Variants in SYCP1 observed in about 807,000 individuals in gnomAD.
SYCP1 encodes the protein synaptonemal complex protein 1, also known as cancer/testis antigen 8.
A neutral mutation model predicts 153.1 loss-of-function variants in SYCP1; 64 were observed. That is an observed-to-expected ratio of 0.42 (90% CI 0.34 to 0.51). The LOEUF is 0.51. Among genes scored for constraint, SYCP1 ranks in the 20% least tolerant of loss-of-function variants. SYCP1 has a pLI of 0.06. For synonymous variants in SYCP1, 384 were observed against 341.8 expected (o/e 1.12, Z -1.36); for missense variants, 997 against 1,049.0 (o/e 0.95, Z 0.68).
intron 2 of SYCP1, among the ~76,000 whole-genome samples, chr1:114,855,999 G>C (rs1663912466): frequency 1.3e-5 from 2 of 152,168 alleles, no homozygotes; most frequent in African/African-American, 4.8e-5. Flanking sequence ...CTTCCTAGTG[G>C]ATAGGGCAAA....
chr1:114,995,010 A>G lies in SYCP1; in HGVS notation c.2922A>G (p.Leu974=). 6.3e-7 allele frequency: 1 copy of G among 1,597,458 alleles called. No individual in the cohort carries two copies. The highest frequency in any genetic ancestry group is 8.5e-7 in the Non-Finnish European group (1 of 1,173,488). Residue 974 remains leucine, a synonymous_variant, in exon 32 of 32, where the codon TTA becomes TTG. Transcript: ENST00000369522. ...RKKKLKEAEK[L]FV ...AAAAACTAAAAGAAGCTGAAAAGTT[A>G]TTTGTTTAATTTCAGAGAATCAGTG...
chr1:114,965,118 T>G (rs1189610471), intron 27 of SYCP1, among the ~76,000 whole-genome samples: 4 of 152,208 alleles, frequency 2.6e-5, no homozygotes. Context: ...TTATTCTCTT[T>G]GTAGCAATTG....
At chr1:114,978,784 C>T (rs1043930091) in intron 28 of SYCP1, among the ~76,000 whole-genome samples, 23 of 151,462 alleles carry the variant, frequency 1.5e-4, no homozygotes, top group African/African-American at 5.6e-4. Flanking sequence ...TTTGTATGTT[C>T]CAGACACTGT....
chr1:114,987,559 G>A (rs926291404), intron 30 of SYCP1, among the ~76,000 whole-genome samples: 1 of 151,996 alleles, frequency 6.6e-6, no homozygotes, highest in African/African-American at 2.4e-5. Context: ...TAACTACTCA[G>A]GAGGCTGAGG....
At position 114,947,291 on chromosome 1, in the gene SYCP1, A is replaced by C. The variant is rs1376172995; in HGVS notation, c.2293A>C (p.Lys765Gln). ...NLKAELLSVK[K>Q]QLEIEREEKE... ...CAAAGCTGAACTTTTGTCTGTTAAG[A>C]AGCAACTTGAAATAGAAAGAGAAGA... Residue 765 changes from lysine to glutamine, a missense_variant, in exon 27 of 32, where the codon AAG (lysine) becomes CAG (glutamine). This residue lies in a region of SYCP1 where 712 missense variants were observed against 682.9 expected (regional missense o/e 1.04). Coordinates refer to ENST00000369522, the MANE Select transcript of SYCP1 (RefSeq NM_003176.4). The C allele has an allele frequency of 6.2e-7, 1 of 1,613,198 alleles. No homozygotes were observed. Among genetic ancestry groups the C allele is most frequent in the East Asian group, 2.2e-5 (1 of 44,722 alleles).
At chr1:114,979,604 G>A (rs976468307) in intron 28 of SYCP1, among the ~76,000 whole-genome samples, 1 of 151,666 alleles carries the variant, frequency 6.6e-6, no homozygotes, top group African/African-American at 2.4e-5. Context: ...AATCCAGAGA[G>A]CAGTAAAAAA....
chr1:114,932,592 G>A (rs1374528635), intron 23 of SYCP1, among the ~76,000 whole-genome samples: 1 of 152,220 alleles, frequency 6.6e-6, no homozygotes, highest in Non-Finnish European at 1.5e-5. Flanking sequence ...GTGAGCTGAA[G>A]CAGGGTAGGG....
At chr1:114,919,713 A>G (rs360580) in intron 20 of SYCP1, among the ~76,000 whole-genome samples, 75,225 of 151,706 alleles carry the variant, frequency 0.5, 19,951 homozygotes, top group Middle Eastern at 0.62. Flanking sequence ...AGATTTCTTC[A>G]TGGTTCAATT....
intron 18 of SYCP1, among the ~76,000 whole-genome samples, chr1:114,912,349 T>C (rs1296816765): frequency 6.6e-6 from 1 of 151,986 alleles, no homozygotes; most frequent in Non-Finnish European, 1.5e-5. Flanking sequence ...TGAAACACTT[T>C]ATCTCCTCTT....
chr1:114,896,689 G>A lies in SYCP1; in HGVS notation c.1320+1180G>A, dbSNP rs1472672519. ...GTAACTCTAGTACTTAGCACAGAAA[G>A]TGACACTTTGTAACACTTTATAAAT... is the stretch of plus-strand genomic sequence containing the variant. On this transcript the variant is annotated intron_variant, in intron 16 of 31. Transcript: ENST00000369522. Among the ~76,000 whole-genome samples the A allele has an allele frequency of 2.0e-5, 3 of 152,332 alleles. 1 individual carries two copies. The South Asian group carries it at 6.2e-4, about 32-fold the overall frequency.
intron 5 of SYCP1, 91 bp downstream of exon 5, chr1:114,857,588 T>A: frequency 2.1e-6 from 2 of 944,906 alleles, no homozygotes; most frequent in Non-Finnish European, 3.0e-6. Context: ...TTCAAAAGGA[T>A]TATTATTTGA....
intron 16 of SYCP1, among the ~76,000 whole-genome samples, chr1:114,906,191 T>A (rs55938728): frequency 4.9e-4 from 75 of 152,100 alleles, no homozygotes; most frequent in African/African-American, 1.8e-3. Flanking sequence ...GGTCTCGAAC[T>A]CCTGACCTCA....
At chr1:114,986,830 T>C (rs1673547528) in intron 30 of SYCP1, among the ~76,000 whole-genome samples, 1 of 151,996 alleles carries the variant, frequency 6.6e-6, no homozygotes, top group South Asian at 2.1e-4. Flanking sequence ...TGAATGTTTA[T>C]AGCTTCCAGG....
intron 27 of SYCP1, among the ~76,000 whole-genome samples, chr1:114,960,195 T>G: frequency 1.5e-5 from 2 of 133,064 alleles, no homozygotes; most frequent in Non-Finnish European, 1.5e-5. Context: ...TGAGATGGAG[T>G]CTTGCTCTGT....
chr1:114,991,935 A>G (rs1236294917), intron 30 of SYCP1, among the ~76,000 whole-genome samples: 1 of 151,906 alleles, frequency 6.6e-6, no homozygotes, highest in Non-Finnish European at 1.5e-5. Context: ...ATTAGAGCTA[A>G]TAAATAAATT....
At chr1:114,981,630 AT>A (rs1193812465) in intron 29 of SYCP1, 118 bp downstream of exon 29, 101 of 949,618 alleles carry the variant, frequency 1.1e-4, no homozygotes, top group South Asian at 1.7e-4. Flanking sequence ...GAAAGTTTCA[AT>A]TTTTTTTGTG....
intron 12 of SYCP1, among the ~76,000 whole-genome samples, chr1:114,885,123 A>G (rs1197675388): frequency 1.3e-5 from 2 of 152,158 alleles, no homozygotes; most frequent in Non-Finnish European, 2.9e-5. Context: ...TTTTGCATGC[A>G]GTGTTTAAAT....
In SYCP1 at chr1:114,859,788, G is replaced by T; in HGVS notation, c.502G>T (p.Glu168Ter). Residue 168 changes from glutamate to a stop codon, truncating the protein, a stop_gained, in exon 7 of 32, where the codon GAA becomes TAA. Transcript: ENST00000369522. LOFTEE classifies it high-confidence loss of function. ...VSLKLEEGIQ[E>*]NKDLIKENNA... ...TTTGAAATTAGAAGAAGGAATACAA[G>T]AAAATAAAGATTTAATAAAAGAGTA... The T allele has an allele frequency of 1.3e-6, 1 of 753,376 alleles. No homozygotes were observed. The highest frequency in any genetic ancestry group is 1.9e-6 in the Non-Finnish European group (1 of 524,568). 46.7% of individuals were successfully genotyped at this position (753,376 alleles called of 1,614,324 possible).
At chr1:114,906,113 G>A (rs1311868083) in intron 16 of SYCP1, among the ~76,000 whole-genome samples, 1 of 151,790 alleles carries the variant, frequency 6.6e-6, no homozygotes, top group Non-Finnish European at 1.5e-5. Flanking sequence ...TTATAGGCAT[G>A]CACTACCACA....
Sources: gnomAD v4.1 joint callset for allele counts (sites outside exome capture counted in the v4.1 genomes callset) on GRCh38, gnomAD v4.1.1 for gene constraint, gnomAD v4.1.1 regional missense constraint, MANE v1.5 for transcripts, NCBI Gene and HGNC (gene_info 2026-07-23, HGNC 2026-07-21) for gene names.